ITGA4: variants seen among roughly 807,000 people sequenced by gnomAD.
The protein encoded by ITGA4 is integrin subunit alpha 4, also known as integrin alpha-4.
In ITGA4, 63 loss-of-function variants were observed where a neutral mutation model predicts 133.6. That is an observed-to-expected ratio of 0.47 (90% confidence interval 0.38 to 0.58). The LOEUF (loss-of-function observed/expected upper bound fraction) is 0.58. Among genes scored for constraint, ITGA4 ranks in the 20% least tolerant of loss-of-function variants. The pLI is 0.00. For missense variants in ITGA4, 1,076 were observed against 1,252.7 expected, an observed-to-expected ratio of 0.86 and a Z score of 2.13; for synonymous variants, 483 against 438.0, an observed-to-expected ratio of 1.10 and a Z score of -1.28.
intron 23 of ITGA4, 34 bp downstream of exon 23, chr2:181,529,682 G>A (rs199611725): frequency 2.4e-5 from 26 of 1,088,046 alleles, no homozygotes; most frequent in African/African-American, 6.2e-5. Context: ...AACCTTTATT[G>A]TGTGTCTTAA....
At chr2:181,493,909 A>T (rs1252617259) in intron 11 of ITGA4, among the ~76,000 whole-genome samples, 1 of 127,474 alleles carries the variant, frequency 7.8e-6, no homozygotes, top group African/African-American at 2.9e-5. Flanking sequence ...TATGTTGAAA[A>T]ATCATGGCAT....
rs1559060156 is a variant in ITGA4, at chr2:181,535,035, G to GTTAACTTTTTGTTACATTTATGTTAATAA, written c.3003+100_3003+101insTTAACTTTTTGTTACATTTATGTTAATAA. ...ATTAGATTTAAATATTTCACTATTT[G>GTTAACTTTTTGTTACATTTATGTTAATAA]AATGTTAACTTTTTATGTTGCTCAG... On this transcript the variant is annotated intron_variant, in intron 27 of 27. Coordinates refer to ENST00000397033, the MANE Select transcript of ITGA4 (RefSeq NM_000885.6). 24 of 1,328,168 alleles carry GTTAACTTTTTGTTACATTTATGTTAATAA rather than the reference G, an allele frequency of 1.8e-5. No individual in the cohort carries two copies. The African/African-American group carries it at 2.1e-4, about 12-fold the overall frequency. The allele number at this position is 1,328,168 out of a possible 1,614,324, so 82.3% of individuals were successfully genotyped here.
At chr2:181,466,367 A>G (rs1363598338) in intron 2 of ITGA4, among the ~76,000 whole-genome samples, 1 of 152,170 alleles carries the variant, frequency 6.6e-6, no homozygotes, top group African/African-American at 2.4e-5. Context: ...ACATAAATTG[A>G]GCATGATTAT....
At chr2:181,517,786 G>A (rs527347031) in intron 17 of ITGA4, among the ~76,000 whole-genome samples, 1 of 152,200 alleles carries the variant, frequency 6.6e-6, no homozygotes, top group South Asian at 2.1e-4. Context: ...CTGCTGAAAT[G>A]TGAACATTGT....
At position 181,538,027 on chromosome 2, in the gene ITGA4, T is replaced by A. The variant is rs1010074164; in HGVS notation, c.*2500T>A. On this transcript the variant is annotated 3_prime_UTR_variant, in exon 28 of 28. Coordinates refer to ENST00000397033, the MANE Select transcript of ITGA4 (RefSeq NM_000885.6). ...GAATCTAATGCCTGATGATCTGAGG[T>A]GGAACAGTTCATCCTGAAACCATTC... The A allele has an allele frequency of 1.2e-5, 8 of 694,066 alleles. No individual in the cohort carries two copies. The Admixed American group carries it at 1.6e-4, about 14-fold the overall frequency. The allele number at this position is 694,066 out of a possible 1,614,324, so 43.0% of individuals were successfully genotyped here. A position where few individuals can be genotyped will look rare whatever the true frequency, so the allele number is the denominator to read the frequency against.
At chr2:181,506,590 C>T (rs10930970) in intron 15 of ITGA4, among the ~76,000 whole-genome samples, 148,006 of 152,170 alleles carry the variant, frequency 0.97, 72,111 homozygotes, top group Middle Eastern at 1. Context: ...TACATCCTTT[C>T]TGTTTATAAT....
rs1686765855 is a variant in ITGA4, at chr2:181,523,546, A to G, written c.2169+14A>G. The G allele has an allele frequency of 7.2e-7, 1 of 1,393,890 alleles. No homozygotes were observed. The highest frequency in any genetic ancestry group is 1.0e-6 in the Non-Finnish European group (1 of 982,602). 86.3% of individuals were successfully genotyped at this position (1,393,890 alleles called of 1,614,324 possible). A position where few individuals can be genotyped will look rare whatever the true frequency, so the allele number is the denominator to read the frequency against. ...CATCTCTCAAGGGTAAGTGTTTCAT[A>G]TTTATGGCTTTTGTTCACTATCATG... On this transcript the variant is annotated intron_variant, in intron 19 of 27. Coordinates refer to ENST00000397033, the MANE Select transcript of ITGA4 (RefSeq NM_000885.6). The surrounding 1 kb of genome is among the most constrained non-coding windows in gnomAD (Gnocchi z 4.2).
intron 16 of ITGA4, 59 bp from the exon 17 acceptor site, chr2:181,511,640 A>G (rs1440912767): frequency 1.1e-6 from 1 of 879,626 alleles, no homozygotes; most frequent in Non-Finnish European, 1.9e-6. Context: ...TCTTTAAAAT[A>G]TATATAAATA....
intron 15 of ITGA4, among the ~76,000 whole-genome samples, chr2:181,504,218 C>T (rs1367236441): frequency 1.3e-5 from 2 of 151,974 alleles, no homozygotes; most frequent in South Asian, 2.1e-4. Context: ...CAGTGGCCTT[C>T]GCATGTTTTA....
chr2:181,496,451 T>C (rs1244585545), intron 14 of ITGA4, among the ~76,000 whole-genome samples: 1 of 151,956 alleles, frequency 6.6e-6, no homozygotes, highest in East Asian at 1.9e-4. Flanking sequence ...TAAAAATAAA[T>C]ATTAAAAAAA....
At chr2:181,494,870 C>A in intron 12 of ITGA4, 58 bp downstream of exon 12, 2 of 896,618 alleles carry the variant, frequency 2.2e-6, no homozygotes, top group Non-Finnish European at 3.7e-6. Flanking sequence ...ATAGATACTG[C>A]TTTATAGTGA....
At chr2:181,511,959 A>T (rs1241980823) in intron 17 of ITGA4, among the ~76,000 whole-genome samples, 184 bp downstream of exon 17, 1 of 152,110 alleles carries the variant, frequency 6.6e-6, no homozygotes, top group Non-Finnish European at 1.5e-5. Flanking sequence ...TCAGACTGAT[A>T]TATAATCCAA....
rs200840714 is a variant in ITGA4 at position 181,480,270 on chromosome 2, C to T, written c.754+4C>T. On this transcript the variant is annotated splice_donor_region_variant and intron_variant, in intron 6 of 27. Coordinates refer to ENST00000397033, the MANE Select transcript of ITGA4 (RefSeq NM_000885.6). The stretch of plus-strand genomic sequence containing the variant: ...GTAAAATTTGGAAGTTATTTAGGTA[C>T]TATAAAAATTGACAAACTTAAATGA... 1.0e-4 allele frequency: 140 copies of T among 1,383,808 alleles called. No homozygotes were observed. Among genetic ancestry groups the T allele is most frequent in the Admixed American group, 9.9e-4 (41 of 41,574 alleles). The allele number at this position is 1,383,808 out of a possible 1,614,324, so 85.7% of individuals were successfully genotyped here.
intron 16 of ITGA4, 57 bp from the exon 17 acceptor site, chr2:181,511,642 A>G (rs1483588475): frequency 2.2e-6 from 2 of 891,004 alleles, no homozygotes; most frequent in Non-Finnish European, 3.7e-6. Flanking sequence ...TTTAAAATAT[A>G]TATAAATATA....
intron 9 of ITGA4, 52 bp downstream of exon 9, chr2:181,482,703 T>C: frequency 6.5e-7 from 1 of 1,547,384 alleles, no homozygotes. Context: ...TGATCAAAAC[T>C]CAAATTGGTC....
At position 181,520,252 on chromosome 2, in the gene ITGA4, G is replaced by A. The variant is rs542582724; in HGVS notation, c.1923-1939G>A. Among the ~76,000 whole-genome samples the A allele has an allele frequency of 4.6e-5, 7 of 152,126 alleles. No individual in the cohort carries two copies. The East Asian group carries it at 1.2e-3, about 25-fold the overall frequency. On this transcript the variant is annotated intron_variant, in intron 17 of 27. Coordinates refer to ENST00000397033, the MANE Select transcript of ITGA4 (RefSeq NM_000885.6). Reference sequence around the variant, plus strand: ...GATAAATCTTGAAGAATAAGTACACGTCAGATGCATGAAGAGGAGATGTTG... The same window carrying A: ...GATAAATCTTGAAGAATAAGTACACATCAGATGCATGAAGAGGAGATGTTG...
Position 181,495,558 on chromosome 2 carries a change from T to C in ITGA4, c.1385+142T>C, listed in dbSNP as rs1686140447. ...AGCTTAATTATTGATTTTTAGGGTA[T>C]TTTTTTCACCTTACAGAGATATAAT... On this transcript the variant is annotated intron_variant, in intron 13 of 27. Transcript: ENST00000397033. The surrounding 1 kb of genome is among the most constrained non-coding windows in gnomAD (Gnocchi z 4.3). The C allele has an allele frequency of 1.3e-6, 1 of 743,126 alleles. No individual in the cohort carries two copies. The highest frequency in any genetic ancestry group is 2.5e-5 in the Admixed American group (1 of 39,908). The allele number at this position is 743,126 out of a possible 1,614,324, so 46.0% of individuals were successfully genotyped here.
Position 181,535,758 on chromosome 2 carries a change from G to A in ITGA4, c.*231G>A. ...AAGATAATCTCTCAGCTTTTAAATG[G>A]GTAGAGAAACACTAAAGCATTCAAT... On this transcript the variant is annotated 3_prime_UTR_variant, in exon 28 of 28. Coordinates refer to ENST00000397033, the MANE Select transcript of ITGA4 (RefSeq NM_000885.6). 2 of 372,770 alleles carry A rather than the reference G, an allele frequency of 5.4e-6. No homozygotes were observed. The highest frequency in any genetic ancestry group is 4.1e-5 in the African/African-American group (2 of 48,704). The allele number at this position is 372,770 out of a possible 1,614,324, so 23.1% of individuals were successfully genotyped here. A position where few individuals can be genotyped will look rare whatever the true frequency, so the allele number is the denominator to read the frequency against.
intron 15 of ITGA4, among the ~76,000 whole-genome samples, chr2:181,509,402 G>A (rs998153623): frequency 6.6e-6 from 1 of 151,820 alleles, no homozygotes; most frequent in African/African-American, 2.4e-5. Flanking sequence ...ATACTCCCAA[G>A]TACAGAACTT....
Sources: gnomAD v4.1 joint callset for allele counts (sites outside exome capture counted in the v4.1 genomes callset) on GRCh38, gnomAD v4.1.1 for gene constraint, Gnocchi (gnomAD v3.1) non-coding constraint, MANE v1.5 for transcripts, NCBI Gene and HGNC (gene_info 2026-07-23, HGNC 2026-07-21) for gene names.